The following MLIP variants were observed in gnomAD, a reference collection of about 807,000 sequenced individuals.
MLIP encodes the protein muscular LMNA interacting protein.
A neutral mutation model predicts 84.8 loss-of-function variants in MLIP; 79 were observed. That is an observed-to-expected ratio of 0.93 (90% CI 0.78 to 1.12). The LOEUF is 1.12. Among genes scored for constraint, MLIP ranks in the 50% most tolerant of loss-of-function variants. The pLI is 0.00. For missense variants in MLIP, 1,257 were observed against 1,160.6 expected (o/e 1.08, Z -1.21); for synonymous variants, 504 against 463.0 (o/e 1.09, Z -1.14).
chr6:54,256,907 G>A (rs1783042890), intron 12 of MLIP, among the ~76,000 whole-genome samples: 1 of 152,134 alleles, frequency 6.6e-6, no homozygotes, highest in Non-Finnish European at 1.5e-5. Context: ...ACTTGTTGCT[G>A]TTGCTTTGGA....
intron 1 of MLIP, among the ~76,000 whole-genome samples, chr6:54,079,351 G>A (rs1029353399): frequency 6.6e-6 from 1 of 152,170 alleles, no homozygotes; most frequent in South Asian, 2.1e-4. Context: ...AGCATGGGAA[G>A]GATACTGTTG....
chr6:54,147,540 G>A (rs1248009392), intron 4 of MLIP, among the ~76,000 whole-genome samples: 1 of 152,094 alleles, frequency 6.6e-6, no homozygotes, highest in Non-Finnish European at 1.5e-5. Flanking sequence ...AGAGTTAAGA[G>A]ACTTGCAGAA....
chr6:54,237,189 A>C (rs1211747679), intron 12 of MLIP, among the ~76,000 whole-genome samples: 3 of 151,716 alleles, frequency 2.0e-5, no homozygotes, highest in Non-Finnish European at 4.4e-5. Flanking sequence ...GTGTGTGAGC[A>C]AGCAGATGAC....
chr6:54,163,487 A>C (rs1464877358), intron 8 of MLIP, among the ~76,000 whole-genome samples: 1 of 151,734 alleles, frequency 6.6e-6, no homozygotes, highest in Non-Finnish European at 1.5e-5. Flanking sequence ...ACTAGTTTGA[A>C]CATTTTGAAA....
upstream of MLIP, among the ~76,000 whole-genome samples, chr6:54,108,382 C>T (rs533967984): frequency 9.2e-5 from 14 of 152,260 alleles, no homozygotes; most frequent in African/African-American, 3.4e-4. Context: ...AATTTATATG[C>T]TCTTTTGTCA....
intron 12 of MLIP, among the ~76,000 whole-genome samples, chr6:54,233,967 A>G (rs1465181950): frequency 6.6e-6 from 1 of 151,968 alleles, no homozygotes; most frequent in African/African-American, 2.4e-5. Flanking sequence ...GCTTTTCTTC[A>G]TATGTTTGTT....
chr6:54,163,156 T>G (rs1582343822), intron 8 of MLIP, among the ~76,000 whole-genome samples: 1 of 152,142 alleles, frequency 6.6e-6, no homozygotes, highest in South Asian at 2.1e-4. Context: ...TAATCATTTC[T>G]TAACTTAAGG....
At chr6:54,047,541 T>A (rs1177401597) in intron 1 of MLIP, 1 of 152,184 alleles carries the variant, frequency 6.6e-6, no homozygotes, top group South Asian at 2.1e-4. Flanking sequence ...AAAACTATGA[T>A]GGCAGAGAGT....
At chr6:54,019,401 A>G (rs1333255595) in intron 1 of MLIP, among the ~76,000 whole-genome samples, 1 of 152,184 alleles carries the variant, frequency 6.6e-6, no homozygotes, top group Non-Finnish European at 1.5e-5. Flanking sequence ...AGATTGTTTT[A>G]TTTACGTATG....
intron 1 of MLIP, among the ~76,000 whole-genome samples, chr6:54,025,842 G>T (rs141401899): frequency 6.6e-6 from 1 of 152,114 alleles, no homozygotes; most frequent in Admixed American, 6.6e-5. Context: ...CCTCCCTAAG[G>T]TATTTGTGTT....
intron 1 of MLIP, among the ~76,000 whole-genome samples, chr6:54,091,830 T>C (rs1767894484): frequency 6.6e-6 from 1 of 152,204 alleles, no homozygotes. Flanking sequence ...TTTCAGCCCA[T>C]TTAAACATTC....
chr6:54,148,719 C>T (rs1293332664), intron 4 of MLIP, among the ~76,000 whole-genome samples: 1 of 152,020 alleles, frequency 6.6e-6, no homozygotes, highest in Non-Finnish European at 1.5e-5. Flanking sequence ...CATCTCCTGT[C>T]CTCATGTATA....
chr6:54,202,095 AT>A lies in MLIP; in HGVS notation c.2590-8del, dbSNP rs766580114. The A allele has an allele frequency of 3.9e-6, 6 of 1,534,368 alleles. No individual in the cohort carries two copies. The East Asian group carries it at 1.4e-4, about 35-fold the overall frequency. ...CCTGTTTTTAAAATATTTATTTTACATTCATGAAGACTAAGCCTGGAGTAAT... is the reference window on the plus strand; with the variant it reads ...CCTGTTTTTAAAATATTTATTTTACATCATGAAGACTAAGCCTGGAGTAAT... On this transcript the variant is annotated splice_polypyrimidine_tract_variant and intron_variant, in intron 10 of 13. Transcript: ENST00000502396.
At chr6:54,200,092 G>T (rs1778564632) in intron 10 of MLIP, among the ~76,000 whole-genome samples, 1 of 152,252 alleles carries the variant, frequency 6.6e-6, no homozygotes, top group East Asian at 1.9e-4. Flanking sequence ...ATCAGTAACA[G>T]ACTCTGATAC....
intron 1 of MLIP, chr6:54,083,724 C>A: frequency 7.7e-7 from 1 of 1,294,266 alleles, no homozygotes; most frequent in Non-Finnish European, 1.1e-6. Flanking sequence ...TTTCGTATTG[C>A]AGTAGTTATG....
intron 1 of MLIP, among the ~76,000 whole-genome samples, chr6:54,100,772 A>G (rs1286260622): frequency 6.6e-6 from 1 of 152,174 alleles, no homozygotes; most frequent in African/African-American, 2.4e-5. Flanking sequence ...CTGGTGATCC[A>G]AACAGGCATC....
intron 1 of MLIP, among the ~76,000 whole-genome samples, chr6:54,074,087 T>A (rs911503890): frequency 2.6e-5 from 4 of 152,252 alleles, no homozygotes; most frequent in Non-Finnish European, 5.9e-5. Flanking sequence ...TGTTGGGTAA[T>A]GTTTTTCAAC....
intron 8 of MLIP, among the ~76,000 whole-genome samples, chr6:54,165,544 G>C (rs984163301): frequency 1.3e-5 from 2 of 151,938 alleles, no homozygotes; most frequent in Non-Finnish European, 2.9e-5. Flanking sequence ...TGTGGCATGA[G>C]AAAGCAGGTG....
chr6:54,131,739 C>T (rs571529519), intron 3 of MLIP, among the ~76,000 whole-genome samples: 3 of 152,254 alleles, frequency 2.0e-5, no homozygotes, highest in Non-Finnish European at 4.4e-5. Context: ...TGTATATATT[C>T]GTTTTTGTCA....
Sources: allele counts gnomAD v4.1 joint callset (sites outside exome capture counted in the v4.1 genomes callset), GRCh38; gene constraint gnomAD v4.1.1; transcripts MANE v1.5; gene names NCBI Gene and HGNC (gene_info 2026-07-23, HGNC 2026-07-21).